SEPTIN9: variants seen among roughly 807,000 people sequenced by gnomAD.
SEPTIN9 encodes septin-9.
SEPTIN9 carries 13 observed loss-of-function variants against 56.6 expected under a neutral mutation model. That is an observed-to-expected ratio of 0.23 (90% CI 0.15 to 0.37). The LOEUF is 0.37. Among genes scored for constraint, SEPTIN9 ranks in the 10% least tolerant of loss-of-function variants. The pLI is 1.00. For missense variants in SEPTIN9, 650 were observed against 823.1 expected (o/e 0.79, Z 2.57); for synonymous variants, 332 against 334.1 (o/e 0.99, Z 0.07).
intron 4 of SEPTIN9, 134 bp downstream of exon 4, chr17:77,482,469 G>A (rs1261134936): frequency 1.1e-6 from 1 of 915,898 alleles, no homozygotes; most frequent in South Asian, 1.4e-5. Context: ...AGGACGGATT[G>A]CCAGTGACAT....
At chr17:77,382,418 T>C (rs564438831) in intron 2 of SEPTIN9, among the ~76,000 whole-genome samples, 3 of 151,808 alleles carry the variant, frequency 2.0e-5, no homozygotes, top group Admixed American at 2.0e-4. Context: ...AGGTGGGAGG[T>C]GGGGGAGAGG....
chr17:77,461,126 G>A (rs1324842522), intron 3 of SEPTIN9, among the ~76,000 whole-genome samples: 1 of 151,968 alleles, frequency 6.6e-6, no homozygotes, highest in Non-Finnish European at 1.5e-5. Flanking sequence ...CCAACATGGA[G>A]AAACCCTACC....
At chr17:77,459,983 A>T (rs1277070069) in intron 3 of SEPTIN9, among the ~76,000 whole-genome samples, 3 of 151,692 alleles carry the variant, frequency 2.0e-5, no homozygotes, top group Non-Finnish European at 4.4e-5. Context: ...GCCCTCCCAG[A>T]CTCTATAGCA....
At chr17:77,311,091 C>T (rs2143613537) in intron 2 of SEPTIN9, among the ~76,000 whole-genome samples, 1 of 152,148 alleles carries the variant, frequency 6.6e-6, no homozygotes, top group Non-Finnish European at 1.5e-5. Context: ...GCCCTAAATC[C>T]AACAACTGGT....
intron 3 of SEPTIN9, among the ~76,000 whole-genome samples, chr17:77,404,763 T>C (rs2036008667): frequency 6.6e-6 from 1 of 152,302 alleles, no homozygotes. Context: ...AGCCAGAGGC[T>C]AGTGGGCCTT....
At chr17:77,302,382 A>G (rs1420524734) in intron 1 of SEPTIN9, among the ~76,000 whole-genome samples, 2 of 152,156 alleles carry the variant, frequency 1.3e-5, no homozygotes, top group African/African-American at 4.8e-5. Context: ...GGGAAAGTCC[A>G]TTAAGAGAAG....
Position 77,367,196 on chromosome 17 carries a change from C to G in SEPTIN9, c.77-34863C>G, listed in dbSNP as rs1296290840. Among the ~76,000 whole-genome samples the G allele has an allele frequency of 6.6e-6, 1 of 152,186 alleles. No homozygotes were observed. Among genetic ancestry groups the G allele is most frequent in the Non-Finnish European group, 1.5e-5 (1 of 68,028 alleles). Reference sequence around the variant, plus strand: ...AGTGGTCCACAGCCTGGTGGCTGCTCCCAGTACAGGTGATGTAAAGAGAGA... The same window carrying G: ...AGTGGTCCACAGCCTGGTGGCTGCTGCCAGTACAGGTGATGTAAAGAGAGA... On this transcript the variant is annotated intron_variant, in intron 2 of 11. Transcript: ENST00000427177. The surrounding 1 kb of genome is among the most constrained non-coding windows in gnomAD (Gnocchi z 4.5).
chr17:77,419,252 G>A (rs1023957293), intron 3 of SEPTIN9, among the ~76,000 whole-genome samples: 12 of 152,308 alleles, frequency 7.9e-5, no homozygotes, highest in African/African-American at 1.9e-4. Context: ...CTGTGGCAGC[G>A]CTTGGGGTGT....
At position 77,476,147 on chromosome 17, in the gene SEPTIN9, G is replaced by A. The variant is rs1430999539; in HGVS notation, c.722-5997G>A. Among the ~76,000 whole-genome samples the A allele has an allele frequency of 6.6e-6, 1 of 152,156 alleles. No homozygotes were observed. The highest frequency in any genetic ancestry group is 2.4e-5 in the African/African-American group (1 of 41,424). ...GGACTTGTGTGGACATTTCTGGGACGTAGACCAGGCAGCATGACACACAGG... is the reference window on the plus strand; with the variant it reads ...GGACTTGTGTGGACATTTCTGGGACATAGACCAGGCAGCATGACACACAGG... On this transcript the variant is annotated intron_variant, in intron 3 of 11. Transcript: ENST00000427177. This position sits in a 1 kb window ranked among gnomAD's most constrained non-coding sequence, Gnocchi z 6.0.
chr17:77,287,186 G>A (rs1837139455), intron 1 of SEPTIN9, among the ~76,000 whole-genome samples: 1 of 152,242 alleles, frequency 6.6e-6, no homozygotes, highest in Non-Finnish European at 1.5e-5. Context: ...AGTCCTGGTG[G>A]GTGGAGGGAC....
chr17:77,468,329 G>A (rs758142868), intron 3 of SEPTIN9, among the ~76,000 whole-genome samples: 4 of 152,008 alleles, frequency 2.6e-5, no homozygotes, highest in Non-Finnish European at 5.9e-5. Flanking sequence ...GAGCTATCCC[G>A]GGAAAACAAG....
chr17:77,343,108 G>A (rs948264193), intron 2 of SEPTIN9, among the ~76,000 whole-genome samples: 12 of 152,030 alleles, frequency 7.9e-5, no homozygotes, highest in Non-Finnish European at 1.5e-4. Flanking sequence ...CAAAGTGATG[G>A]GTGTCTTTTT....
At chr17:77,356,818 C>T (rs1266367973) in intron 2 of SEPTIN9, among the ~76,000 whole-genome samples, 2 of 147,168 alleles carry the variant, frequency 1.4e-5, no homozygotes, top group African/African-American at 5.1e-5. Context: ...GCAGGCCAGG[C>T]GCTGAGCAGC....
At chr17:77,385,244 C>T (rs2035294955) in intron 2 of SEPTIN9, among the ~76,000 whole-genome samples, 1 of 151,120 alleles carries the variant, frequency 6.6e-6, no homozygotes, top group Non-Finnish European at 1.5e-5. Context: ...TTCACTGCAA[C>T]CTCTGCCTCC....
At chr17:77,303,526 A>G (rs1333011404) in intron 1 of SEPTIN9, among the ~76,000 whole-genome samples, 1 of 151,828 alleles carries the variant, frequency 6.6e-6, no homozygotes, top group Admixed American at 6.6e-5. Flanking sequence ...AGCCTGGCCA[A>G]CGTGGTGAAA....
intron 2 of SEPTIN9, chr17:77,373,190 C>A: frequency 9.2e-7 from 1 of 1,082,692 alleles, no homozygotes; most frequent in Non-Finnish European, 1.1e-6. Context: ...GGCCCCAGCC[C>A]CCCAGGCCTG....
chr17:77,475,718 G>A lies in SEPTIN9; in HGVS notation c.722-6426G>A, dbSNP rs369923106. The A allele has an allele frequency of 1.6e-5, 26 of 1,613,158 alleles. No homozygotes were observed. Among genetic ancestry groups the A allele is most frequent in the South Asian group, 3.3e-5 (3 of 91,090 alleles). On this transcript the variant is annotated intron_variant, in intron 3 of 11. Coordinates refer to ENST00000427177, the MANE Select transcript of SEPTIN9 (RefSeq NM_001113491.2). The surrounding 1 kb of genome is among the most constrained non-coding windows in gnomAD (Gnocchi z 4.6). ...GGATGGAGGCAAGGAAGTCTTCGCC[G>A]GGGCAAGGGCACCAGCTGTAGATGC...
chr17:77,320,236 TGA>T, intron 2 of SEPTIN9: 1 of 1,609,344 alleles, frequency 6.2e-7, no homozygotes, highest in South Asian at 1.1e-5. Context: ...AGGAGGAGGC[TGA>T]GAGAGGGAGG....
intron 2 of SEPTIN9, among the ~76,000 whole-genome samples, chr17:77,347,975 T>A (rs1291239052): frequency 6.6e-6 from 1 of 152,200 alleles, no homozygotes; most frequent in Non-Finnish European, 1.5e-5. Context: ...TTTCCACTTA[T>A]GATGGGTTTG....
Sources: allele counts gnomAD v4.1 joint callset (sites outside exome capture counted in the v4.1 genomes callset), GRCh38; gene constraint gnomAD v4.1.1; non-coding constraint Gnocchi (gnomAD v3.1); transcripts MANE v1.5; gene names NCBI Gene and HGNC (gene_info 2026-07-23, HGNC 2026-07-21).